Variants in ZBTB8A observed in about 807,000 individuals in gnomAD.
ZBTB8A encodes zinc finger and BTB domain containing 8A, also known as zinc finger and BTB domain-containing protein 8A.
A neutral mutation model predicts 37.8 loss-of-function variants in ZBTB8A; 19 were observed. The observed-to-expected ratio is 0.50, with a 90% CI of 0.35 to 0.74. ZBTB8A has a LOEUF of 0.74. ZBTB8A is among the 30% of genes least tolerant of loss of function. The pLI, the probability that ZBTB8A is intolerant of heterozygous loss-of-function variation, is 0.01. For missense variants in ZBTB8A, 394 were observed against 537.8 expected (o/e 0.73, Z 2.65); for synonymous variants, 181 against 185.2 (o/e 0.98, Z 0.19).
chr1:32,544,109 C>T (rs1035149159), intron 1 of ZBTB8A, among the ~76,000 whole-genome samples: 6 of 152,250 alleles, frequency 3.9e-5, no homozygotes, highest in Non-Finnish European at 8.8e-5. Context: ...GCTGGGACTA[C>T]AGGCTCACGC....
intron 2 of ZBTB8A, among the ~76,000 whole-genome samples, chr1:32,560,327 A>G (rs1342350008): frequency 1.3e-5 from 2 of 152,216 alleles, no homozygotes; most frequent in Non-Finnish European, 2.9e-5. Context: ...GCACTGTCCC[A>G]GGACTCCACA....
At chr1:32,558,562 T>C (rs536293065) in intron 2 of ZBTB8A, among the ~76,000 whole-genome samples, 2 of 152,170 alleles carry the variant, frequency 1.3e-5, no homozygotes, top group South Asian at 2.1e-4. Context: ...TGTAGGGAGC[T>C]TTCAACATGT....
chr1:32,549,890 C>T (rs1405049039), intron 1 of ZBTB8A, among the ~76,000 whole-genome samples: 1 of 152,166 alleles, frequency 6.6e-6, no homozygotes, highest in African/African-American at 2.4e-5. Context: ...ACAATGTTTC[C>T]ATAAATGTGC....
intron 2 of ZBTB8A, among the ~76,000 whole-genome samples, chr1:32,574,772 T>C (rs562742352): frequency 1.8e-4 from 28 of 152,086 alleles, no homozygotes; most frequent in African/African-American, 6.7e-4. Flanking sequence ...ATTGCTCAAG[T>C]GTTTTATTTA....
intron 2 of ZBTB8A, among the ~76,000 whole-genome samples, chr1:32,592,314 T>C (rs1246997195): frequency 1.3e-5 from 2 of 152,130 alleles, no homozygotes; most frequent in East Asian, 3.9e-4. Flanking sequence ...GGCAGGAGGA[T>C]TGCTTGAGCC....
intron 2 of ZBTB8A, among the ~76,000 whole-genome samples, chr1:32,572,804 A>G (rs1276510370): frequency 6.6e-6 from 1 of 151,664 alleles, no homozygotes; most frequent in Non-Finnish European, 1.5e-5. Context: ...TTATTCTTTC[A>G]ATGTTTGTAA....
At chr1:32,564,001 C>T (rs564856209) in intron 2 of ZBTB8A, among the ~76,000 whole-genome samples, 32 of 152,060 alleles carry the variant, frequency 2.1e-4, no homozygotes, top group Non-Finnish European at 4.0e-4. Context: ...ACTGAGATGC[C>T]AGCAAGGTCA....
At chr1:32,599,284 G>A (rs754075072) in intron 4 of ZBTB8A, among the ~76,000 whole-genome samples, 1 of 151,388 alleles carries the variant, frequency 6.6e-6, no homozygotes, top group African/African-American at 2.4e-5. Context: ...AATTAGCCAG[G>A]TGTGGTGGCA....
Position 32,601,799 on chromosome 1 carries a change from G to A in ZBTB8A, c.*1380G>A, listed in dbSNP as rs536232655. On this transcript the variant is annotated 3_prime_UTR_variant, in exon 5 of 5. Transcript: ENST00000373510. ...ATCAGAATTAGAAAGTATGAAAGGA[G>A]GAATTGAATCATTTTCAACAACATA... 10 of 397,158 alleles carry A rather than the reference G, an allele frequency of 2.5e-5. No individual in the cohort carries two copies. In the East Asian group the frequency reaches 3.2e-4, roughly 13 times the overall value. 24.6% of individuals were successfully genotyped at this position (397,158 alleles called of 1,614,324 possible). A position where few individuals can be genotyped will look rare whatever the true frequency, so the allele number is the denominator to read the frequency against.
chr1:32,558,245 C>T (rs936923333), intron 2 of ZBTB8A, among the ~76,000 whole-genome samples: 3 of 152,000 alleles, frequency 2.0e-5, no homozygotes, highest in African/African-American at 7.2e-5. Flanking sequence ...AAAATCAAAC[C>T]TTAAACAAGA....
intron 2 of ZBTB8A, among the ~76,000 whole-genome samples, chr1:32,579,578 GCTT>G (rs1349974856): frequency 6.6e-6 from 1 of 152,032 alleles, no homozygotes; most frequent in Non-Finnish European, 1.5e-5. Flanking sequence ...TTGCATAGTT[GCTT>G]CTTCTCTGGT....
chr1:32,546,247 C>G (rs1168514719), intron 1 of ZBTB8A, among the ~76,000 whole-genome samples: 3 of 152,008 alleles, frequency 2.0e-5, no homozygotes, highest in East Asian at 3.9e-4. Flanking sequence ...AGTTTGAGAC[C>G]AGCCTGGCCA....
At chr1:32,572,386 T>C (rs1428686238) in intron 2 of ZBTB8A, among the ~76,000 whole-genome samples, 1 of 151,872 alleles carries the variant, frequency 6.6e-6, no homozygotes, top group Non-Finnish European at 1.5e-5. Context: ...AATTTTTTTC[T>C]TGTATTAGGT....
chr1:32,584,884 A>T (rs1313318661), intron 2 of ZBTB8A, among the ~76,000 whole-genome samples: 1 of 151,990 alleles, frequency 6.6e-6, no homozygotes, highest in Non-Finnish European at 1.5e-5. Context: ...GCCTGCTGTC[A>T]TAGCCTCTTT....
chr1:32,601,503 T>G lies in ZBTB8A; in HGVS notation c.*1084T>G, dbSNP rs1356217516. 1 of 396,398 alleles carries G rather than the reference T, an allele frequency of 2.5e-6. No homozygotes were observed. The highest frequency in any genetic ancestry group is 4.4e-6 in the Non-Finnish European group (1 of 225,186). 24.6% of individuals were successfully genotyped at this position (396,398 alleles called of 1,614,324 possible). On this transcript the variant is annotated 3_prime_UTR_variant, in exon 5 of 5. Transcript: ENST00000373510. ...AAAAAAAGGAAAACAAACTAGGAGG[T>G]TCTTACCATATGTGAGTGATTTCTA...
chr1:32,605,697 T>C lies in ZBTB8A; in HGVS notation c.*5278T>C, dbSNP rs1570385449. The C allele has an allele frequency of 1.2e-5, 1 of 85,490 alleles. No homozygotes were observed. Among genetic ancestry groups the C allele is most frequent in the Non-Finnish European group, 1.9e-5 (1 of 53,404 alleles). The allele number at this position is 85,490 out of a possible 1,614,324, so 5.3% of individuals were successfully genotyped here. A position where few individuals can be genotyped will look rare whatever the true frequency, so the allele number is the denominator to read the frequency against. On this transcript the variant is annotated 3_prime_UTR_variant, in exon 5 of 5. Transcript: ENST00000373510. ...TCCAGGCTGGGTGACAGAGCGAGAC[T>C]CCACCTCAAAAAAAAAAAAAAAAAA...
chr1:32,598,219 T>A (rs927700371), intron 4 of ZBTB8A, among the ~76,000 whole-genome samples: 16 of 149,972 alleles, frequency 1.1e-4, no homozygotes, highest in Admixed American at 3.4e-4. Context: ...ATTAGCTTTC[T>A]TGGATTTTTT....
At chr1:32,599,639 C>T (rs950976718) in intron 4 of ZBTB8A, among the ~76,000 whole-genome samples, 1 of 152,058 alleles carries the variant, frequency 6.6e-6, no homozygotes, top group Non-Finnish European at 1.5e-5. Context: ...ATTGCATGAA[C>T]CCCGGAGGCG....
intron 2 of ZBTB8A, among the ~76,000 whole-genome samples, chr1:32,582,807 A>G (rs1644417752): frequency 6.6e-6 from 1 of 152,276 alleles, no homozygotes. Flanking sequence ...TCCAGAAACA[A>G]GGTCATATAA....
Sources: allele counts gnomAD v4.1 joint callset (sites outside exome capture counted in the v4.1 genomes callset), GRCh38; gene constraint gnomAD v4.1.1; transcripts MANE v1.5; gene names NCBI Gene and HGNC (gene_info 2026-07-23, HGNC 2026-07-21).